Variants in ANKRD26 observed in about 807,000 individuals in gnomAD.
The protein encoded by ANKRD26 is ankyrin repeat domain 26.
In ANKRD26, 141 loss-of-function variants were observed where a neutral mutation model predicts 208.7. The observed-to-expected ratio is 0.68, with a 90% CI of 0.59 to 0.78. The LOEUF (loss-of-function observed/expected upper bound fraction) is 0.78, where lower values mean the gene tolerates loss of function less well. Ranked by LOEUF, ANKRD26 falls within the 30% of genes least tolerant of loss-of-function variation. ANKRD26 has a pLI of 0.00. For synonymous variants in ANKRD26, 636 were observed against 660.4 expected (o/e 0.96, Z 0.57); for missense variants, 1,889 against 1,938.7 (o/e 0.97, Z 0.48).
At chr10:26,995,314 T>A (rs2052566746) in intron 4 of ANKRD26, among the ~76,000 whole-genome samples, 1 of 152,188 alleles carries the variant, frequency 6.6e-6, no homozygotes, top group African/African-American at 2.4e-5. Context: ...AGGGAACCCA[T>A]GATTATTTCT....
At chr10:26,972,085 A>G (rs940762878), downstream of ANKRD26, among the ~76,000 whole-genome samples, 10 of 152,106 alleles carry the variant, frequency 6.6e-5, no homozygotes, top group East Asian at 1.9e-3. Context: ...AATACAAAAA[A>G]TTAGCCAGGC....
chr10:27,036,835 T>C (rs1415868938), intron 23 of ANKRD26, among the ~76,000 whole-genome samples: 1 of 152,148 alleles, frequency 6.6e-6, no homozygotes, highest in Non-Finnish European at 1.5e-5. Flanking sequence ...TCCATTAATA[T>C]ATCAAGGTGA....
chr10:27,096,392 A>T (rs998179078), intron 1 of ANKRD26, among the ~76,000 whole-genome samples: 3 of 152,250 alleles, frequency 2.0e-5, no homozygotes, highest in Admixed American at 2.0e-4. Context: ...AGGGGAATAA[A>T]TATCATATTC....
chr10:27,033,589 G>A (rs1323303324), intron 24 of ANKRD26, among the ~76,000 whole-genome samples: 1 of 152,030 alleles, frequency 6.6e-6, no homozygotes, highest in Non-Finnish European at 1.5e-5. Flanking sequence ...TGCCAATTAG[G>A]TATGACGTTA....
downstream of ANKRD26, among the ~76,000 whole-genome samples, chr10:27,000,578 C>A (rs750472984): frequency 2.0e-5 from 3 of 152,038 alleles, no homozygotes; most frequent in African/African-American, 4.8e-5. Context: ...AAGTTTAATA[C>A]ATAAAATACA....
downstream of ANKRD26, among the ~76,000 whole-genome samples, chr10:26,971,472 C>T (rs1299851458): frequency 2.6e-5 from 4 of 151,590 alleles, no homozygotes; most frequent in Non-Finnish European, 4.4e-5. Flanking sequence ...GTCAGGAGTT[C>T]GAGACCAGTC....
chr10:27,014,453 T>G, intron 31 of ANKRD26, 41 bp downstream of exon 31: 98 of 1,397,582 alleles, frequency 7.0e-5, no homozygotes, highest in Non-Finnish European at 8.8e-5. Context: ...GGCAAATTAA[T>G]GAGCTTAATT....
chr10:27,046,546 G>T, intron 17 of ANKRD26, 23 bp from the exon 18 acceptor site: 1 of 1,610,060 alleles, frequency 6.2e-7, no homozygotes, highest in South Asian at 1.1e-5. Context: ...CATGGGAAAT[G>T]ACAGTTACAT....
At position 27,035,276 on chromosome 10, in the gene ANKRD26, G is replaced by C. The variant is rs1366076500; in HGVS notation, c.3174C>G (p.Asn1058Lys). The C allele has an allele frequency of 6.2e-7, 1 of 1,613,708 alleles. No homozygotes were observed. The highest frequency in any genetic ancestry group is 8.5e-7 in the Non-Finnish European group (1 of 1,179,852). The change falls in exon 24 of 34, where the codon AAC becomes AAG. Residue 1058 changes from asparagine (N) to lysine (K), a missense_variant. Coordinates refer to ENST00000376087, the MANE Select transcript of ANKRD26 (RefSeq NM_014915.3). ...ATAGTTGTTGAGAAAGAATCTCATTGTTATCTTTTAGGTTAGACACATCAA... is the reference window on the plus strand; with the variant it reads ...ATAGTTGTTGAGAAAGAATCTCATTCTTATCTTTTAGGTTAGACACATCAA... ...MNFDVSNLKD[N>K]NEILSQQLFK...
chr10:27,042,487 C>T (rs993974375), intron 20 of ANKRD26, among the ~76,000 whole-genome samples: 5 of 152,152 alleles, frequency 3.3e-5, no homozygotes, highest in Non-Finnish European at 5.9e-5. Flanking sequence ...GGCGTGGTGG[C>T]TCACGCCTGT....
the ANKRD26 span, among the ~76,000 whole-genome samples, chr10:26,952,365 C>T: frequency 1.2e-4 from 18 of 152,180 alleles, no homozygotes; most frequent in Non-Finnish European, 2.6e-4. Flanking sequence ...CTGATTAAAA[C>T]AAATCCTGGG....
intron 15 of ANKRD26, among the ~76,000 whole-genome samples, chr10:27,054,386 A>C (rs1422193551): frequency 1.3e-5 from 2 of 152,132 alleles, no homozygotes; most frequent in South Asian, 2.1e-4. Context: ...GGAGTTCCAG[A>C]CCAGCCTGGC....
chr10:26,973,020 G>A (rs1344047594), downstream of ANKRD26, among the ~76,000 whole-genome samples: 2 of 152,122 alleles, frequency 1.3e-5, no homozygotes, highest in Admixed American at 1.3e-4. Context: ...CCAGATTCCT[G>A]ACCTCATTTT....
chr10:26,970,048 C>T (rs1424634840), downstream of ANKRD26, among the ~76,000 whole-genome samples: 1 of 151,808 alleles, frequency 6.6e-6, no homozygotes, highest in Non-Finnish European at 1.5e-5. Context: ...TCTCAAACTC[C>T]TGACCTCAAG....
chr10:26,982,861 T>A (rs34819986), intron 3 of ANKRD26, among the ~76,000 whole-genome samples: 6,533 of 152,312 alleles, frequency 0.043, 158 homozygotes, highest in Non-Finnish European at 0.062. Flanking sequence ...ATGATTCCTA[T>A]TATGAGCAAT....
the ANKRD26 span, among the ~76,000 whole-genome samples, chr10:26,962,804 G>A: frequency 4.6e-5 from 7 of 152,178 alleles, no homozygotes; most frequent in South Asian, 2.1e-4. Flanking sequence ...CAGATAAATC[G>A]CTTGGCTGGA....
chr10:26,975,220 C>T (rs78988496), exon 6 of ANKRD26, among the ~76,000 whole-genome samples: 4,760 of 152,010 alleles, frequency 0.031, 182 homozygotes, highest in African/African-American at 0.089. Context: ...TATGTCTACA[C>T]ACAGTTTCTT....
At chr10:27,070,913 C>T (rs1365737850) in intron 9 of ANKRD26, among the ~76,000 whole-genome samples, 3 of 152,078 alleles carry the variant, frequency 2.0e-5, no homozygotes, top group Non-Finnish European at 4.4e-5. Context: ...AATCTGCCCG[C>T]CTTGGCCTCC....
At chr10:27,021,373 T>C (rs1245118331) in intron 29 of ANKRD26, among the ~76,000 whole-genome samples, 4 of 152,224 alleles carry the variant, frequency 2.6e-5, no homozygotes, top group Non-Finnish European at 5.9e-5. Flanking sequence ...ACATTGTTTT[T>C]TATAATGGCT....
Sources: allele counts gnomAD v4.1 joint callset (sites outside exome capture counted in the v4.1 genomes callset), GRCh38; gene constraint gnomAD v4.1.1; transcripts MANE v1.5; gene names NCBI Gene and HGNC (gene_info 2026-07-23, HGNC 2026-07-21).